Variants in CFAP61 observed in about 807,000 individuals in gnomAD.
CFAP61 encodes the protein cilia- and flagella-associated protein 61.
CFAP61 carries 107 observed loss-of-function variants against 135.6 expected under a neutral mutation model. That is an observed-to-expected ratio of 0.79 (90% CI 0.67 to 0.93). The LOEUF (loss-of-function observed/expected upper bound fraction) is 0.93. Among genes scored for constraint, CFAP61 ranks in the 40% least tolerant of loss-of-function variants. The probability of loss-of-function intolerance (pLI) is 0.00; values close to 1 mark genes in which losing one functional copy is unlikely to be tolerated. For synonymous variants in CFAP61, 575 were observed against 578.5 expected (o/e 0.99, Z 0.09); for missense variants, 1,507 against 1,556.2 (o/e 0.97, Z 0.53).
chr20:20,210,879 C>G (rs1025996328), intron 17 of CFAP61, among the ~76,000 whole-genome samples: 1 of 152,180 alleles, frequency 6.6e-6, no homozygotes, highest in Non-Finnish European at 1.5e-5. Flanking sequence ...TCATCCCACA[C>G]TTTGGGAGGC....
intron 2 of CFAP61, among the ~76,000 whole-genome samples, chr20:20,060,547 T>C (rs6046584): frequency 0.064 from 9,681 of 152,288 alleles, 361 homozygotes; most frequent in East Asian, 0.12. Context: ...AGGAGCATGA[T>C]TAGAATGAAA....
chr20:20,088,641 G>A (rs1312881221), intron 6 of CFAP61, among the ~76,000 whole-genome samples: 1 of 151,986 alleles, frequency 6.6e-6, no homozygotes, highest in Non-Finnish European at 1.5e-5. Context: ...TTTGGGTGGG[G>A]ACACAGCCAA....
In CFAP61 at chr20:20,214,631, G is replaced by A. The variant is rs1250613515; in HGVS notation, c.1933-13618G>A. ...GAGGAAGCCATCCCTGAAGATGCAT[G>A]GTCTTGACAAAACCTTGAATTTCAA... On this transcript the variant is annotated intron_variant, in intron 17 of 26. Transcript: ENST00000245957. Among the ~76,000 whole-genome samples, 3 of 152,188 alleles carry A rather than the reference G, an allele frequency of 2.0e-5. No homozygotes were observed. In the East Asian group the frequency reaches 5.8e-4, roughly 29 times the overall value.
chr20:20,344,768 G>T (rs2058572312), intron 26 of CFAP61, among the ~76,000 whole-genome samples: 1 of 151,988 alleles, frequency 6.6e-6, no homozygotes, highest in Admixed American at 6.6e-5. Context: ...CCAAAAGAAA[G>T]GAAATCAGTA....
At chr20:20,182,664 A>T (rs1288225878) in intron 13 of CFAP61, among the ~76,000 whole-genome samples, 1 of 152,110 alleles carries the variant, frequency 6.6e-6, no homozygotes, top group Non-Finnish European at 1.5e-5. Flanking sequence ...CTTAATTGAG[A>T]GTTTATTTCT....
chr20:20,193,852 G>A (rs1002481625), intron 15 of CFAP61, among the ~76,000 whole-genome samples: 5 of 152,106 alleles, frequency 3.3e-5, no homozygotes, highest in African/African-American at 1.2e-4. Context: ...GACTTCAGAT[G>A]ATCTGCCCCC....
At chr20:20,203,719 G>A (rs1476799024) in intron 17 of CFAP61, among the ~76,000 whole-genome samples, 1 of 152,094 alleles carries the variant, frequency 6.6e-6, no homozygotes, top group Non-Finnish European at 1.5e-5. Flanking sequence ...CTTATTTTGA[G>A]GGTGGGTCTA....
rs539955138 is a variant in CFAP61 at position 20,225,521 on chromosome 20, A to G, written c.1933-2728A>G. 7.2e-5 allele frequency: 11 copies of G among 152,318 alleles called. 1 individual carries two copies. The highest frequency in any genetic ancestry group is 2.6e-4 in the African/African-American group (11 of 41,576). 9.4% of individuals were successfully genotyped at this position (152,318 alleles called of 1,614,324 possible). ...GTGTTACAGCTATTGTGTGGGAAAC[A>G]AAAGCCATTCTGTTCTGTTCCCCAG... On this transcript the variant is annotated intron_variant, in intron 17 of 26. Transcript: ENST00000245957.
intron 8 of CFAP61, among the ~76,000 whole-genome samples, chr20:20,124,417 A>T (rs928685519): frequency 5.3e-5 from 8 of 151,780 alleles, no homozygotes; most frequent in African/African-American, 1.9e-4. Context: ...TGTTCCTTGT[A>T]TGCTGATTTT....
At chr20:20,111,110 A>C (rs1269227669) in intron 8 of CFAP61, among the ~76,000 whole-genome samples, 1 of 152,242 alleles carries the variant, frequency 6.6e-6, no homozygotes, top group Non-Finnish European at 1.5e-5. Flanking sequence ...TATAGAATTT[A>C]TAATCACCCC....
In CFAP61 at chr20:20,208,328, A is replaced by G. The variant is rs150807689; in HGVS notation, c.1932+8426A>G. Among the ~76,000 whole-genome samples the G allele has an allele frequency of 8.5e-5, 13 of 152,346 alleles. No homozygotes were observed. The South Asian group carries it at 2.3e-3, about 27-fold the overall frequency. On this transcript the variant is annotated intron_variant, in intron 17 of 26. Transcript: ENST00000245957. ...GTCAATTCTAGGTCATTAAAGCTGT[A>G]TGGGTCACTTCCAATCACAATATAT...
rs1167001691 is a variant in CFAP61 at position 20,090,959 on chromosome 20, C to T, written c.682C>T (p.His228Tyr). The part of the protein sequence containing the change: ...ELIEAQDEEN[H>Y]AVVCEVEGTA... ...AATAGAGGCCCAAGATGAAGAGAATCATGCTGTTGTGTGTGAGGTCAGTGA... is the reference window on the plus strand; with the variant it reads ...AATAGAGGCCCAAGATGAAGAGAATTATGCTGTTGTGTGTGAGGTCAGTGA... Residue 228 changes from histidine to tyrosine, a missense_variant, in exon 7 of 27, where the codon CAT becomes TAT. Physicochemically the swap from His to Tyr is moderately conservative, Grantham distance 83. Transcript: ENST00000245957. 1.9e-6 allele frequency: 3 copies of T among 1,613,996 alleles called. No homozygotes were observed. The highest frequency in any genetic ancestry group is 2.7e-5 in the African/African-American group (2 of 74,904).
intron 15 of CFAP61, 146 bp downstream of exon 15, chr20:20,191,565 A>G (rs780072293): frequency 1.7e-4 from 94 of 558,330 alleles, no homozygotes; most frequent in Non-Finnish European, 2.7e-4. Context: ...ATCTGCCTCT[A>G]TCCCACTTGA....
chr20:20,207,291 G>A (rs2056897922), intron 17 of CFAP61, among the ~76,000 whole-genome samples: 3 of 152,244 alleles, frequency 2.0e-5, no homozygotes, highest in Non-Finnish European at 4.4e-5. Flanking sequence ...TATTATTGCT[G>A]TTAAAAAGAG....
intron 25 of CFAP61, among the ~76,000 whole-genome samples, chr20:20,337,292 A>ATGGATGGATGGATAGATGGGTGGGTG (rs2058236215): frequency 2.9e-4 from 2 of 6,788 alleles, no homozygotes; most frequent in Non-Finnish European, 1.7e-3. Flanking sequence ...ATGGATGGAT[A>ATGGATGGATGGATAGATGGGTGGGTG]GATGGATGGA....
chr20:20,318,967 A>G (rs1295473238), intron 25 of CFAP61, among the ~76,000 whole-genome samples: 2 of 152,210 alleles, frequency 1.3e-5, no homozygotes, highest in African/African-American at 4.8e-5. Context: ...CTGGCTCCCA[A>G]GAGGCCACAT....
At chr20:20,131,537 T>A (rs2050526330) in intron 8 of CFAP61, among the ~76,000 whole-genome samples, 1 of 152,102 alleles carries the variant, frequency 6.6e-6, no homozygotes. Context: ...TCTTAAACAG[T>A]CTTACTGGTG....
chr20:20,097,581 C>G (rs971103052), intron 7 of CFAP61, among the ~76,000 whole-genome samples: 6 of 152,184 alleles, frequency 3.9e-5, no homozygotes. Flanking sequence ...CAATCAGGTA[C>G]CTGGTACCCA....
At chr20:20,209,743 G>A (rs2047496353) in intron 17 of CFAP61, among the ~76,000 whole-genome samples, 1 of 152,132 alleles carries the variant, frequency 6.6e-6, no homozygotes, top group African/African-American at 2.4e-5. Context: ...TTTTTAGGCA[G>A]GTAGGAAAGA....
Sources: gnomAD v4.1 joint callset for allele counts (sites outside exome capture counted in the v4.1 genomes callset) on GRCh38, gnomAD v4.1.1 for gene constraint, MANE v1.5 for transcripts, NCBI Gene and HGNC (gene_info 2026-07-23, HGNC 2026-07-21) for gene names.